Variants in FLNC observed in about 807,000 individuals in gnomAD.
FLNC encodes filamin-C.
FLNC carries 91 observed loss-of-function variants against 254.3 expected under a neutral mutation model. The ratio of observed to expected loss-of-function variants is 0.36; its 90% CI spans 0.30 to 0.43. The LOEUF is 0.43. Among genes scored for constraint, FLNC ranks in the 20% least tolerant of loss-of-function variants. FLNC has a pLI of 1.00. For missense variants in FLNC, 2,853 were observed against 3,802.6 expected (o/e 0.75, Z 6.57); for synonymous variants, 1,430 against 1,577.2 (o/e 0.91, Z 2.21).
chr7:128,842,432 A>G lies in FLNC; in HGVS notation c.2265+58A>G. 1 of 1,610,074 alleles carries G rather than the reference A, an allele frequency of 6.2e-7. No homozygotes were observed. Among genetic ancestry groups the G allele is most frequent in the Admixed American group, 1.7e-5 (1 of 59,934 alleles). On this transcript the variant is annotated intron_variant, in intron 14 of 47. Transcript: ENST00000325888. The surrounding 1 kb of genome is among the most constrained non-coding windows in gnomAD (Gnocchi z 5.4). ...CCAGGGGTCCCTGAGGGAGGGCGGA[A>G]CCCTCGCTGGAGTCCCTGTTGTCCC...
At chr7:128,849,928 G>A (rs1477523001) in intron 30 of FLNC, 48 bp from the exon 31 acceptor site, 1 of 1,313,104 alleles carries the variant, frequency 7.6e-7, no homozygotes, top group Non-Finnish European at 1.1e-6. Context: ...TCAGCCCCTA[G>A]GCCTGTGAGG....
Position 128,858,046 on chromosome 7 carries a change from T to C in FLNC, c.7819T>C (p.Ser2607Pro). Residue 2607 changes from serine (S) to proline (P), a missense_variant, in exon 47 of 48, where the codon TCC (serine) becomes CCC (proline). This residue lies in a region of FLNC where 197 missense variants were observed against 351.5 expected (regional missense o/e 0.56). Coordinates refer to ENST00000325888, the MANE Select transcript of FLNC (RefSeq NM_001458.5). This position sits in a 1 kb window ranked among gnomAD's most constrained non-coding sequence, Gnocchi z 6.7. The part of the protein sequence containing the change: ...LSGGHSLHET[S>P]TVLVETVTKS... ...CGGAGGCCACAGCCTTCACGAAACATCCACGGTTCTGGTGGAGACTGTGAC... is the reference window on the plus strand; with the variant it reads ...CGGAGGCCACAGCCTTCACGAAACACCCACGGTTCTGGTGGAGACTGTGAC... 1 of 1,601,834 alleles carries C rather than the reference T, an allele frequency of 6.2e-7. No homozygotes were observed. The highest frequency in any genetic ancestry group is 8.5e-7 in the Non-Finnish European group (1 of 1,172,828).
rs1449992399 is a variant in FLNC, at chr7:128,848,682, G to A, written c.4702G>A (p.Asp1568Asn). 1 of 1,613,264 alleles carries A rather than the reference G, an allele frequency of 6.2e-7. No homozygotes were observed. The highest frequency in any genetic ancestry group is 8.5e-7 in the Non-Finnish European group (1 of 1,180,038). ...LPVEFTIDAR[D>N]AGEGLLTVQI... ...TGTGGAGTTCACCATCGACGCACGG[G>A]ACGCGGGCGAGGGGTTGCTCACTGT... The change falls in exon 27 of 48, where the codon GAC (aspartate) becomes AAC (asparagine). Residue 1568 changes from aspartate to asparagine, a missense_variant. Asp to Asn is a conservative substitution (Grantham distance 23). Coordinates refer to ENST00000325888, the MANE Select transcript of FLNC (RefSeq NM_001458.5).
At position 128,838,073 on chromosome 7, in the gene FLNC, C is replaced by A; in HGVS notation, c.1047+9C>A. Reference sequence around the variant, plus strand: ...TCGCTGGGTTACACAAGGTATCTCCCTCTAGGCCCCCCTGCCTGCGCTGCT... The same window carrying A: ...TCGCTGGGTTACACAAGGTATCTCCATCTAGGCCCCCCTGCCTGCGCTGCT... On this transcript the variant is annotated intron_variant, in intron 6 of 47. Coordinates refer to ENST00000325888, the MANE Select transcript of FLNC (RefSeq NM_001458.5). 1 of 1,609,810 alleles carries A rather than the reference C, an allele frequency of 6.2e-7. No individual in the cohort carries two copies. Among genetic ancestry groups the A allele is most frequent in the Non-Finnish European group, 8.5e-7 (1 of 1,176,340 alleles).
In FLNC at chr7:128,840,154, G is replaced by T; in HGVS notation, c.1543G>T (p.Gly515Trp). 1 of 1,613,822 alleles carries T rather than the reference G, an allele frequency of 6.2e-7. No individual in the cohort carries two copies. The highest frequency in any genetic ancestry group is 8.5e-7 in the Non-Finnish European group (1 of 1,180,022). Residue 515 changes from glycine to tryptophan, a missense_variant, in exon 9 of 48, where the codon GGG (glycine) becomes TGG (tryptophan). Coordinates refer to ENST00000325888, the MANE Select transcript of FLNC (RefSeq NM_001458.5). The stretch of plus-strand genomic sequence containing the variant: ...CGGGGAGCTCAAGGTCACGGTCAAG[G>T]GGCCAAGTGAGTGCCAGAGCCCAGG... The part of the protein sequence containing the change: ...GSGELKVTVK[G>W]PKGTEEPVKV...
In FLNC at chr7:128,844,929, C is replaced by T. The variant is rs769243979; in HGVS notation, c.3464C>T (p.Pro1155Leu). Residue 1155 changes from proline (P) to leucine (L), a missense_variant, in exon 21 of 48, where the codon CCG becomes CTG. By Grantham distance (98) the Pro-to-Leu change is moderately conservative (BLOSUM62 -3). Around this residue, in one of 10 missense-constraint regions of FLNC, gnomAD observed 1,573 missense variants for 1,883.5 expected, o/e 0.84. Coordinates refer to ENST00000325888, the MANE Select transcript of FLNC (RefSeq NM_001458.5). ...FKATIRPVFD[P>L]SKVRASGPGL... ...GCCACCATTCGGCCTGTGTTTGACC[C>T]GAGCAAGGTGCGGGCCAGTGGACCG... The T allele has an allele frequency of 1.1e-5, 17 of 1,613,770 alleles. No individual in the cohort carries two copies. Among genetic ancestry groups the T allele is most frequent in the African/African-American group, 4.0e-5 (3 of 74,934 alleles).
chr7:128,857,144 A>G lies in FLNC; in HGVS notation c.7588A>G (p.Thr2530Ala), dbSNP rs760694025. The change falls in exon 46 of 48, where the codon ACC becomes GCC. Residue 2530 changes from threonine (T) to alanine (A), a missense_variant. By Grantham distance (58) the Thr-to-Ala change is moderately conservative. Transcript: ENST00000325888. This position sits in a 1 kb window ranked among gnomAD's most constrained non-coding sequence, Gnocchi z 4.5. ...TGVSSEFIVN[T>A]LNAGSGALSV... The stretch of plus-strand genomic sequence containing the variant: ...TGTGTCATCAGAGTTCATCGTGAAC[A>G]CCCTGAATGCCGGCTCGGGGGCCTT... 8 of 1,613,908 alleles carry G rather than the reference A, an allele frequency of 5.0e-6. No individual in the cohort carries two copies. Among genetic ancestry groups the G allele is most frequent in the South Asian group, 3.3e-5 (3 of 91,074 alleles).
rs1422499429 is a variant in FLNC at position 128,837,618 on chromosome 7, C to A, written c.851-19C>A. The A allele has an allele frequency of 1.2e-6, 2 of 1,612,884 alleles. No individual in the cohort carries two copies. Among genetic ancestry groups the A allele is most frequent in the Admixed American group, 3.3e-5 (2 of 60,008 alleles). On this transcript the variant is annotated intron_variant, in intron 4 of 47. Transcript: ENST00000325888. ...GTAGGCTCTCCCTGAGTAACCTGGG[C>A]TCTGCTCCTGCCCCGTAGGCATCGA...
At chr7:128,847,405 A>T (rs1265771766) in intron 24 of FLNC, among the ~76,000 whole-genome samples, 1 of 152,288 alleles carries the variant, frequency 6.6e-6, no homozygotes, top group Non-Finnish European at 1.5e-5. Flanking sequence ...ACAGTGTCAG[A>T]AATACATTTC....
chr7:128,853,860 G>T, intron 39 of FLNC, 23 bp downstream of exon 39: 2 of 1,613,300 alleles, frequency 1.2e-6, no homozygotes, highest in South Asian at 2.2e-5. Context: ...AGGACCCTGG[G>T]TGGGGCGGGT....
At chr7:128,832,964 C>G (rs781763551) in intron 1 of FLNC, among the ~76,000 whole-genome samples, 1 of 152,202 alleles carries the variant, frequency 6.6e-6, no homozygotes, top group Non-Finnish European at 1.5e-5. Context: ...TGAGTATTGT[C>G]TCAGCACCGA....
intron 20 of FLNC, 139 bp from the exon 21 acceptor site, chr7:128,844,519 A>G: frequency 1.0e-6 from 1 of 954,600 alleles, no homozygotes; most frequent in Non-Finnish European, 1.7e-6. Context: ...TCGCTGCCTC[A>G]ATGTCATCAC....
At chr7:128,855,098 CG>C in intron 42 of FLNC, 100 bp from the exon 43 acceptor site, 1 of 1,075,582 alleles carries the variant, frequency 9.3e-7, no homozygotes, top group Non-Finnish European at 1.4e-6. Flanking sequence ...CAGATCTGAG[CG>C]CTGACCACAG....
chr7:128,855,621 A>T (rs1188802010), intron 43 of FLNC, among the ~76,000 whole-genome samples: 1 of 152,228 alleles, frequency 6.6e-6, no homozygotes, highest in Non-Finnish European at 1.5e-5. Context: ...CTAGATGACA[A>T]CATTTATAAG....
Position 128,837,703 on chromosome 7 carries a change from G to T in FLNC, c.917G>T (p.Gly306Val). The T allele has an allele frequency of 6.2e-7, 1 of 1,608,542 alleles. No individual in the cohort carries two copies. The highest frequency in any genetic ancestry group is 8.5e-7 in the Non-Finnish European group (1 of 1,178,402). ...AHFTVQTVDAGVGEVLVYIED... is the reference protein window; with the variant it reads ...AHFTVQTVDAVVGEVLVYIED... ...TTCACCGTGCAGACGGTGGACGCGG[G>T]CGTGGGCGAGGTGCTGGTCTACATC... The change falls in exon 5 of 48, where the codon GGC becomes GTC. Residue 306 changes from glycine to valine, a missense_variant. Gly to Val is a moderately radical substitution (Grantham distance 109, BLOSUM62 -3). Transcript: ENST00000325888.
In FLNC at chr7:128,856,449, G is replaced by A; in HGVS notation, c.7252-69G>A. Reference sequence around the variant, plus strand: ...GCTGGGCTTACAGTGAGCACCGTGTGGGGCTTCAGAGAAGACTGCTCCAGC... The same window carrying A: ...GCTGGGCTTACAGTGAGCACCGTGTAGGGCTTCAGAGAAGACTGCTCCAGC... On this transcript the variant is annotated intron_variant, in intron 43 of 47. Transcript: ENST00000325888. The surrounding 1 kb of genome is among the most constrained non-coding windows in gnomAD (Gnocchi z 5.9). 2 of 1,591,240 alleles carry A rather than the reference G, an allele frequency of 1.3e-6. No homozygotes were observed. Among genetic ancestry groups the A allele is most frequent in the South Asian group, 2.2e-5 (2 of 90,762 alleles).
At position 128,858,569 on chromosome 7, in the gene FLNC, C is replaced by T; in HGVS notation, c.*46C>T. 8.1e-7 allele frequency: 1 copy of T among 1,228,098 alleles called. No individual in the cohort carries two copies. The highest frequency in any genetic ancestry group is 1.2e-6 in the Non-Finnish European group (1 of 843,534). The allele number at this position is 1,228,098 out of a possible 1,614,324, so 76.1% of individuals were successfully genotyped here. On this transcript the variant is annotated 3_prime_UTR_variant, in exon 48 of 48. Coordinates refer to ENST00000325888, the MANE Select transcript of FLNC (RefSeq NM_001458.5). The surrounding 1 kb of genome is among the most constrained non-coding windows in gnomAD (Gnocchi z 6.7). ...GCCTCAGCCCCCACCTCCAGCCACACACACATTACACACACACACACACAC... is the reference window on the plus strand; with the variant it reads ...GCCTCAGCCCCCACCTCCAGCCACATACACATTACACACACACACACACAC...
In FLNC at chr7:128,837,275, G is replaced by A. The variant is rs2128934092; in HGVS notation, c.699+18G>A. The A allele has an allele frequency of 6.4e-7, 1 of 1,560,432 alleles. No homozygotes were observed. The highest frequency in any genetic ancestry group is 1.2e-5 in the South Asian group (1 of 85,126). The stretch of plus-strand genomic sequence containing the variant: ...TGCCCCAGGTACATGCGCAGATGGG[G>A]CAGGGGGGAAAGGGGGCAGGGGCAG... On this transcript the variant is annotated intron_variant, in intron 3 of 47. Coordinates refer to ENST00000325888, the MANE Select transcript of FLNC (RefSeq NM_001458.5).
At chr7:128,843,771 T>C (rs1239466613) in intron 18 of FLNC, 25 bp from the exon 19 acceptor site, 7 of 1,604,176 alleles carry the variant, frequency 4.4e-6, no homozygotes, top group Non-Finnish European at 6.0e-6. Flanking sequence ...TATATCCAGT[T>C]CTGACCTACC....
Sources: gnomAD v4.1 joint callset for allele counts (sites outside exome capture counted in the v4.1 genomes callset) on GRCh38, gnomAD v4.1.1 for gene constraint, gnomAD v4.1.1 regional missense constraint, Gnocchi (gnomAD v3.1) non-coding constraint, MANE v1.5 for transcripts, NCBI Gene and HGNC (gene_info 2026-07-23, HGNC 2026-07-21) for gene names.